TMEM273: variants seen among roughly 807,000 people sequenced by gnomAD.
TMEM273 encodes transmembrane protein 273, also known as chromosome 10 open reading frame 128.
In TMEM273, 19 loss-of-function variants were observed where a neutral mutation model predicts 17.9. That is an observed-to-expected ratio of 1.06 (90% CI 0.74 to 1.55). The LOEUF (loss-of-function observed/expected upper bound fraction) is 1.55, where lower values mean the gene tolerates loss of function less well. Among genes scored for constraint, TMEM273 ranks in the 40% most tolerant of loss-of-function variants. TMEM273 has a pLI of 0.00. For missense variants in TMEM273, 194 were observed against 155.6 expected (o/e 1.25, Z -1.31); for synonymous variants, 66 against 62.0 (o/e 1.07, Z -0.31).
intron 1 of TMEM273, chr10:49,178,069 C>T (rs1040387036): frequency 2.5e-5 from 10 of 403,732 alleles, no homozygotes; most frequent in African/African-American, 1.8e-4. Context: ...CTGCCTCCAA[C>T]CCATCTGGGG....
At chr10:49,170,817 A>G (rs555845147) in intron 1 of TMEM273, among the ~76,000 whole-genome samples, 31 of 152,254 alleles carry the variant, frequency 2.0e-4, no homozygotes, top group African/African-American at 7.2e-4. Flanking sequence ...TGCTCAGCAC[A>G]GCAGCCTGGC....
intron 1 of TMEM273, among the ~76,000 whole-genome samples, chr10:49,180,535 G>T (rs1417823323): frequency 6.6e-6 from 1 of 152,098 alleles, no homozygotes; most frequent in Non-Finnish European, 1.5e-5. Flanking sequence ...ATCTGAGGAG[G>T]CCTGTTAAAA....
intron 6 of TMEM273, among the ~76,000 whole-genome samples, chr10:49,158,988 AT>A (rs1269077317): frequency 6.6e-6 from 1 of 152,178 alleles, no homozygotes; most frequent in Non-Finnish European, 1.5e-5. Flanking sequence ...AATTAAATAT[AT>A]TTTTGTAAAA....
chr10:49,161,704 G>A (rs1393130958), intron 5 of TMEM273, 82 bp from the exon 6 acceptor site: 11 of 1,554,904 alleles, frequency 7.1e-6, no homozygotes, highest in African/African-American at 1.4e-5. Context: ...CAAGAGAGTG[G>A]CTTGCTTGTC....
chr10:49,161,515 G>A, intron 6 of TMEM273, 84 bp downstream of exon 6: 1 of 1,577,534 alleles, frequency 6.3e-7, no homozygotes, highest in Non-Finnish European at 8.7e-7. Flanking sequence ...GGGAGGGAGA[G>A]GTCATGCCGA....
In TMEM273 at chr10:49,165,744, ACT is replaced by A. The variant is rs767427299; in HGVS notation, c.269+20_269+21del. On this transcript the variant is annotated intron_variant, in intron 4 of 6. Transcript: ENST00000374153. The stretch of plus-strand genomic sequence containing the variant: ...GGAGAGAACACGATACCTCTCCCTG[ACT>A]GTGTGGGCAGTGACCTTACCTTGGG... 1 of 1,614,080 alleles carries A rather than the reference ACT, an allele frequency of 6.2e-7. No individual in the cohort carries two copies. Among genetic ancestry groups the A allele is most frequent in the East Asian group, 2.2e-5 (1 of 44,872 alleles).
chr10:49,186,202 C>T (rs1227509371), intron 1 of TMEM273, among the ~76,000 whole-genome samples: 1 of 152,198 alleles, frequency 6.6e-6, no homozygotes, highest in Admixed American at 6.5e-5. Flanking sequence ...TTCATCACTT[C>T]TGTTTCATCC....
At chr10:49,155,965 T>C in intron 6 of TMEM273, 56 bp from the exon 7 acceptor site, 1 of 1,613,258 alleles carries the variant, frequency 6.2e-7, no homozygotes, top group East Asian at 2.2e-5. Context: ...TATACTCTAA[T>C]GATTGCATGT....
At chr10:49,170,212 T>C (rs1590213814) in intron 1 of TMEM273, among the ~76,000 whole-genome samples, 1 of 152,250 alleles carries the variant, frequency 6.6e-6, no homozygotes, top group East Asian at 1.9e-4. Context: ...CTTGAGTCAC[T>C]CAGACCATCA....
chr10:49,187,054 A>G (rs953997271), intron 1 of TMEM273, among the ~76,000 whole-genome samples: 1 of 152,198 alleles, frequency 6.6e-6, no homozygotes, highest in African/African-American at 2.4e-5. Flanking sequence ...GATTTCTTAA[A>G]TTTAACTTCC....
intron 5 of TMEM273, among the ~76,000 whole-genome samples, chr10:49,164,593 T>C (rs1846045717): frequency 6.6e-6 from 1 of 152,218 alleles, no homozygotes; most frequent in Non-Finnish European, 1.5e-5. Flanking sequence ...AGAAACTACC[T>C]ATCTCTCCAG....
At chr10:49,178,603 C>T (rs534526266) in intron 1 of TMEM273, among the ~76,000 whole-genome samples, 12 of 152,276 alleles carry the variant, frequency 7.9e-5, no homozygotes, top group Middle Eastern at 3.4e-3. Flanking sequence ...ATAGTAAACA[C>T]TTTAGTACTT....
intron 1 of TMEM273, among the ~76,000 whole-genome samples, chr10:49,183,634 T>C (rs1161550712): frequency 6.6e-6 from 1 of 152,156 alleles, no homozygotes; most frequent in Non-Finnish European, 1.5e-5. Context: ...TCAAAATGCC[T>C]CAGTTTGAAT....
Position 49,155,865 on chromosome 10 carries a change from C to G in TMEM273, c.*27G>C. ...GCTGTTTTCCACGGGGCTAGAACCC[C>G]TCTTCACGTCACTGCTCACCTACAG... On this transcript the variant is annotated 3_prime_UTR_variant, in exon 7 of 7. Transcript: ENST00000374153. 17 of 1,614,202 alleles carry G rather than the reference C, an allele frequency of 1.1e-5. No individual in the cohort carries two copies. Among genetic ancestry groups the G allele is most frequent in the Non-Finnish European group, 1.4e-5 (16 of 1,180,030 alleles).
intron 5 of TMEM273, among the ~76,000 whole-genome samples, chr10:49,163,675 TG>T (rs979717550): frequency 3.1e-4 from 47 of 151,684 alleles, no homozygotes; most frequent in African/African-American, 1.1e-3. Context: ...AAACTTGGGG[TG>T]GGGGGATGAC....
At chr10:49,176,436 A>T (rs1446800374) in intron 1 of TMEM273, among the ~76,000 whole-genome samples, 1 of 152,248 alleles carries the variant, frequency 6.6e-6, no homozygotes, top group Non-Finnish European at 1.5e-5. Flanking sequence ...TCAGACCAGG[A>T]CAGGCCTGTT....
At chr10:49,182,943 G>A (rs1318146218) in intron 1 of TMEM273, among the ~76,000 whole-genome samples, 1 of 152,094 alleles carries the variant, frequency 6.6e-6, no homozygotes, top group Non-Finnish European at 1.5e-5. Flanking sequence ...ATCACCAGGG[G>A]CTATCAGGCA....
rs1017477458 is a variant in TMEM273 at position 49,156,331 on chromosome 10, G to T, written c.373-422C>A. The T allele has an allele frequency of 3.3e-5, 41 of 1,256,642 alleles. No homozygotes were observed. The Middle Eastern group carries it at 1.1e-3, about 33-fold the overall frequency. 77.8% of individuals were successfully genotyped at this position (1,256,642 alleles called of 1,614,324 possible). A position where few individuals can be genotyped will look rare whatever the true frequency, so the allele number is the denominator to read the frequency against. Reference sequence around the variant, plus strand: ...TAATGCCTTCACATCTGAACTACGAGCTGTTACAGAGGGTGAGACTTCTCT... The same window carrying T: ...TAATGCCTTCACATCTGAACTACGATCTGTTACAGAGGGTGAGACTTCTCT... On this transcript the variant is annotated intron_variant, in intron 6 of 6. Coordinates refer to ENST00000374153, the MANE Select transcript of TMEM273 (RefSeq NM_001288740.3).
intron 5 of TMEM273, among the ~76,000 whole-genome samples, chr10:49,162,591 C>A (rs1420216212): frequency 2.0e-5 from 3 of 152,144 alleles, no homozygotes; most frequent in Non-Finnish European, 2.9e-5. Context: ...TAGAGCCTTC[C>A]CCGTGGTGAG....
Sources: gnomAD v4.1 joint callset for allele counts (sites outside exome capture counted in the v4.1 genomes callset) on GRCh38, gnomAD v4.1.1 for gene constraint, MANE v1.5 for transcripts, NCBI Gene and HGNC (gene_info 2026-07-23, HGNC 2026-07-21) for gene names.